RAB43: variants seen among roughly 807,000 people sequenced by gnomAD.
RAB43 encodes the protein ras-related protein Rab-43.
A neutral mutation model predicts 18.8 loss-of-function variants in RAB43; 6 were observed. The ratio of observed to expected loss-of-function variants is 0.32; its 90% CI spans 0.17 to 0.63. RAB43 has a LOEUF of 0.63. RAB43 is among the 30% of genes least tolerant of loss of function. The pLI, the probability that RAB43 is intolerant of heterozygous loss-of-function variation, is 0.79. For synonymous variants in RAB43, 103 were observed against 124.1 expected (o/e 0.83, Z 1.13); for missense variants, 195 against 289.1 (o/e 0.67, Z 2.36).
intron 1 of RAB43, among the ~76,000 whole-genome samples, chr3:129,105,879 C>T (rs1934751805): frequency 6.6e-6 from 1 of 152,100 alleles, no homozygotes; most frequent in African/African-American, 2.4e-5. Flanking sequence ...GTTCCTATGT[C>T]CCTCTCTTGC....
intron 1 of RAB43, among the ~76,000 whole-genome samples, chr3:129,116,816 G>A (rs1376572639): frequency 6.6e-6 from 1 of 152,172 alleles, no homozygotes; most frequent in Non-Finnish European, 1.5e-5. Flanking sequence ...TGAGGCCGGT[G>A]TGCCTAGTGA....
In RAB43 at chr3:129,107,781, C is replaced by G. The variant is rs1473909768; in HGVS notation, c.205-12612G>C. On this transcript the variant is annotated intron_variant, in intron 1 of 2. Transcript: ENST00000315150. This position sits in a 1 kb window ranked among gnomAD's most constrained non-coding sequence, Gnocchi z 4.2. ...GGATTCAGATGTCCTATGGCCCACA[C>G]TGAACAACCCCAACCCTCAAACCAT... Among the ~76,000 whole-genome samples the G allele has an allele frequency of 6.6e-6, 1 of 152,196 alleles. No homozygotes were observed. Among genetic ancestry groups the G allele is most frequent in the African/African-American group, 2.4e-5 (1 of 41,444 alleles).
chr3:129,107,935 C>G lies in RAB43; in HGVS notation c.205-12766G>C, dbSNP rs1052008938. On this transcript the variant is annotated intron_variant, in intron 1 of 2. Coordinates refer to ENST00000315150, the MANE Select transcript of RAB43 (RefSeq NM_198490.3). The surrounding 1 kb of genome is among the most constrained non-coding windows in gnomAD (Gnocchi z 4.2). ...TAGAGCAAACCCTCCTCCCCGGGCT[C>G]CCAGGCACAGCTGGCTGTTTCGCTG... Among the ~76,000 whole-genome samples, 3 of 152,246 alleles carry G rather than the reference C, an allele frequency of 2.0e-5. No individual in the cohort carries two copies. The highest frequency in any genetic ancestry group is 7.2e-5 in the African/African-American group (3 of 41,470).
chr3:129,100,237 G>A (rs186176485), intron 1 of RAB43, among the ~76,000 whole-genome samples: 6 of 152,200 alleles, frequency 3.9e-5, no homozygotes, highest in South Asian at 2.1e-4. Flanking sequence ...AAACAAGTGC[G>A]GAAAGAAAAA....
chr3:129,104,868 C>A (rs1934657182), intron 1 of RAB43, among the ~76,000 whole-genome samples: 1 of 152,210 alleles, frequency 6.6e-6, no homozygotes, highest in Non-Finnish European at 1.5e-5. Flanking sequence ...CTCCTACCTA[C>A]CCTTCAGGAC....
rs1176377898 is a variant in RAB43 at position 129,121,713 on chromosome 3, G to T, written c.-224C>A. On this transcript the variant is annotated 5_prime_UTR_variant, in exon 1 of 3. Transcript: ENST00000315150. ...GCCCGGCTCGGCCCCGCCCGGACCC[G>T]GTGCCCCGCGGGTTCGGCTCCCCCC... 2.6e-5 allele frequency: 6 copies of T among 227,536 alleles called. No homozygotes were observed. Among genetic ancestry groups the T allele is most frequent in the Non-Finnish European group, 4.4e-5 (6 of 137,772 alleles). 14.1% of individuals were successfully genotyped at this position (227,536 alleles called of 1,614,324 possible).
At chr3:129,106,925 C>G (rs924991001) in intron 1 of RAB43, among the ~76,000 whole-genome samples, 1 of 152,198 alleles carries the variant, frequency 6.6e-6, no homozygotes, top group Non-Finnish European at 1.5e-5. Flanking sequence ...TCCACCAGCA[C>G]GTGATGAGGG....
At chr3:129,094,572 T>C (rs1032128838) in intron 2 of RAB43, among the ~76,000 whole-genome samples, 1 of 128,038 alleles carries the variant, frequency 7.8e-6, no homozygotes, top group Non-Finnish European at 1.6e-5. Context: ...TGGAGTGCAG[T>C]GGCGTGATCT....
At chr3:129,098,652 C>T (rs571951193) in intron 1 of RAB43, among the ~76,000 whole-genome samples, 1 of 152,136 alleles carries the variant, frequency 6.6e-6, no homozygotes, top group African/African-American at 2.4e-5. Flanking sequence ...CAGAAAATTA[C>T]AAGGAAAGTA....
At chr3:129,105,474 A>AC (rs1461360967) in intron 1 of RAB43, among the ~76,000 whole-genome samples, 5 of 151,228 alleles carry the variant, frequency 3.3e-5, no homozygotes, top group African/African-American at 1.2e-4. Context: ...AACAACAACA[A>AC]AACAAAACAA....
Position 129,095,311 on chromosome 3 carries a change from G to T in RAB43, c.205-142C>A. The stretch of plus-strand genomic sequence containing the variant: ...TGAGTCCTTAGAAAGCAACTCAATG[G>T]CTCAACCTTGTTGGAAAAATGGGGA... On this transcript the variant is annotated intron_variant, in intron 1 of 2. Transcript: ENST00000315150. This position sits in a 1 kb window ranked among gnomAD's most constrained non-coding sequence, Gnocchi z 4.2. 2 of 1,220,470 alleles carry T rather than the reference G, an allele frequency of 1.6e-6. No individual in the cohort carries two copies. Among genetic ancestry groups the T allele is most frequent in the Middle Eastern group, 2.1e-4 (1 of 4,722 alleles). The allele number at this position is 1,220,470 out of a possible 1,614,324, so 75.6% of individuals were successfully genotyped here. A position where few individuals can be genotyped will look rare whatever the true frequency, so the allele number is the denominator to read the frequency against.
intron 1 of RAB43, among the ~76,000 whole-genome samples, chr3:129,116,023 G>A (rs922022220): frequency 1.3e-4 from 20 of 152,148 alleles, no homozygotes; most frequent in African/African-American, 3.9e-4. Flanking sequence ...TGGCCCCAAA[G>A]CGCAGGAATA....
chr3:129,109,136 T>C (rs566367641), intron 1 of RAB43, among the ~76,000 whole-genome samples: 87 of 150,602 alleles, frequency 5.8e-4, no homozygotes, highest in Non-Finnish European at 1.1e-3. Flanking sequence ...TTTGGCTGGG[T>C]GCGGTGGCTC....
At chr3:129,118,006 C>A (rs1447165323) in intron 1 of RAB43, among the ~76,000 whole-genome samples, 3 of 152,182 alleles carry the variant, frequency 2.0e-5, no homozygotes, top group African/African-American at 7.2e-5. Context: ...TGACCAGATA[C>A]AATAGAGTTA....
At chr3:129,111,917 A>G (rs1935195617) in intron 1 of RAB43, among the ~76,000 whole-genome samples, 1 of 152,120 alleles carries the variant, frequency 6.6e-6, no homozygotes, top group African/African-American at 2.4e-5. Context: ...TTTGGTCACG[A>G]AATCACCCAC....
In RAB43 at chr3:129,114,400, G is replaced by C. The variant is rs145338394; in HGVS notation, c.204+6886C>G. Reference sequence around the variant, plus strand: ...TACCAGACTAGGAGCTGAAAAGCTTGGCTCTGGTTCAGACTTTGCCACAAA... The same window carrying C: ...TACCAGACTAGGAGCTGAAAAGCTTCGCTCTGGTTCAGACTTTGCCACAAA... On this transcript the variant is annotated intron_variant, in intron 1 of 2. Transcript: ENST00000315150. Among the ~76,000 whole-genome samples, 863 of 152,286 alleles carry C rather than the reference G, an allele frequency of 5.7e-3. 3 individuals carry two copies. Among genetic ancestry groups the C allele is most frequent in the African/African-American group, 0.015 (615 of 41,556 alleles).
At chr3:129,099,250 C>A (rs899093826) in intron 1 of RAB43, among the ~76,000 whole-genome samples, 1 of 151,532 alleles carries the variant, frequency 6.6e-6, no homozygotes, top group Non-Finnish European at 1.5e-5. Context: ...CACCACCATG[C>A]CCAGCTAATT....
intron 1 of RAB43, among the ~76,000 whole-genome samples, chr3:129,111,929 A>G (rs1935196028): frequency 6.6e-6 from 1 of 152,038 alleles, no homozygotes. Context: ...ATCACCCACT[A>G]TTTATGGACC....
intron 1 of RAB43, among the ~76,000 whole-genome samples, chr3:129,096,790 A>G (rs1934084450): frequency 6.6e-6 from 1 of 152,194 alleles, no homozygotes; most frequent in Non-Finnish European, 1.5e-5. Flanking sequence ...AAAGTAGAGA[A>G]AAAATACAAA....
Sources: allele counts gnomAD v4.1 joint callset (sites outside exome capture counted in the v4.1 genomes callset), GRCh38; gene constraint gnomAD v4.1.1; non-coding constraint Gnocchi (gnomAD v3.1); transcripts MANE v1.5; gene names NCBI Gene and HGNC (gene_info 2026-07-23, HGNC 2026-07-21).